Variants in WWOX observed in about 807,000 individuals in gnomAD.
WWOX encodes the protein WW domain containing oxidoreductase.
WWOX carries 69 observed loss-of-function variants against 46.2 expected under a neutral mutation model. The observed-to-expected ratio is 1.49, with a 90% CI of 1.23 to 1.82. The LOEUF (loss-of-function observed/expected upper bound fraction) is 1.82, where lower values mean the gene tolerates loss of function less well. Ranked by LOEUF, WWOX falls within the 40% of genes most tolerant of loss-of-function variation. WWOX has a pLI of 0.00. For missense variants in WWOX, 919 were observed against 542.6 expected (o/e 1.69, Z -6.89); for synonymous variants, 359 against 202.6 (o/e 1.77, Z -6.56).
chr16:78,726,667 A>T (rs2048844213), intron 8 of WWOX, among the ~76,000 whole-genome samples: 1 of 149,224 alleles, frequency 6.7e-6, no homozygotes, highest in African/African-American at 2.6e-5. Context: ...ACAATTTATT[A>T]GGGCTTTATG....
At chr16:78,890,756 T>TA (rs2151227444) in intron 8 of WWOX, 1 of 152,352 alleles carries the variant, frequency 6.6e-6, no homozygotes, top group South Asian at 2.1e-4. Flanking sequence ...TTCTGTTTTT[T>TA]ATCTAAATGC....
At chr16:78,644,599 T>C (rs1328274940) in intron 8 of WWOX, among the ~76,000 whole-genome samples, 2 of 152,102 alleles carry the variant, frequency 1.3e-5, no homozygotes, top group African/African-American at 2.4e-5. Context: ...GTACCTGGGA[T>C]TACAGGAGCC....
intron 8 of WWOX, among the ~76,000 whole-genome samples, chr16:78,924,602 C>T (rs1045863083): frequency 6.6e-6 from 1 of 152,162 alleles, no homozygotes; most frequent in East Asian, 1.9e-4. Context: ...TTGGTAAAAA[C>T]ATATATCAGA....
At chr16:78,742,465 A>G (rs1053448265) in intron 8 of WWOX, among the ~76,000 whole-genome samples, 1 of 152,202 alleles carries the variant, frequency 6.6e-6, no homozygotes, top group African/African-American at 2.4e-5. Context: ...CTGTGAAAAC[A>G]GGTTGGAAGT....
chr16:78,147,660 T>G (rs998802052), intron 4 of WWOX, among the ~76,000 whole-genome samples: 1 of 140,818 alleles, frequency 7.1e-6, no homozygotes, highest in Admixed American at 7.5e-5. Context: ...TCTGAATTTT[T>G]CTTTTTCTTT....
At chr16:79,084,455 C>G (rs978871388) in intron 8 of WWOX, among the ~76,000 whole-genome samples, 2 of 152,152 alleles carry the variant, frequency 1.3e-5, no homozygotes, top group Non-Finnish European at 2.9e-5. Flanking sequence ...GAGTCTCGCT[C>G]TGTTGCCCAG....
At chr16:78,356,613 T>G (rs1567521104) in intron 5 of WWOX, among the ~76,000 whole-genome samples, 1 of 152,206 alleles carries the variant, frequency 6.6e-6, no homozygotes, top group East Asian at 1.9e-4. Flanking sequence ...CTGGGCACGG[T>G]GGCTCACGCC....
At chr16:78,915,400 A>G (rs2045224466) in intron 8 of WWOX, among the ~76,000 whole-genome samples, 2 of 152,144 alleles carry the variant, frequency 1.3e-5, no homozygotes, top group Non-Finnish European at 1.5e-5. Flanking sequence ...AAATAGCTTA[A>G]TTGTTACTCT....
chr16:79,121,163 G>C (rs1273443268), intron 8 of WWOX, among the ~76,000 whole-genome samples: 2 of 152,178 alleles, frequency 1.3e-5, no homozygotes, highest in Non-Finnish European at 2.9e-5. Context: ...ACTCACACCT[G>C]CGTATACCCT....
At chr16:78,940,910 C>A (rs1206760483) in intron 8 of WWOX, among the ~76,000 whole-genome samples, 1 of 151,900 alleles carries the variant, frequency 6.6e-6, no homozygotes, top group Non-Finnish European at 1.5e-5. Flanking sequence ...CTATGCTGTC[C>A]ATTTGCTTGG....
chr16:78,801,246 A>C (rs1178872786), intron 8 of WWOX, among the ~76,000 whole-genome samples: 1 of 152,170 alleles, frequency 6.6e-6, no homozygotes, highest in Non-Finnish European at 1.5e-5. Context: ...ATGGTGGCTC[A>C]TGCCTGTAAT....
intron 8 of WWOX, among the ~76,000 whole-genome samples, chr16:78,455,882 T>C (rs955326709): frequency 2.1e-4 from 32 of 152,146 alleles, no homozygotes; most frequent in African/African-American, 7.5e-4. Context: ...AAACTAACTT[T>C]TATTTTTACA....
At chr16:78,786,264 A>G (rs2050453749) in intron 8 of WWOX, among the ~76,000 whole-genome samples, 1 of 152,228 alleles carries the variant, frequency 6.6e-6, no homozygotes, top group African/African-American at 2.4e-5. Flanking sequence ...ATAAAGCAAT[A>G]AATGACACCT....
intron 7 of WWOX, among the ~76,000 whole-genome samples, chr16:78,432,191 C>G (rs1375061402): frequency 1.3e-5 from 2 of 151,408 alleles, no homozygotes; most frequent in East Asian, 3.9e-4. Context: ...AATCTTTGCT[C>G]ACTGCAACCT....
intron 8 of WWOX, among the ~76,000 whole-genome samples, chr16:78,728,626 G>A (rs1421993417): frequency 6.6e-6 from 1 of 152,186 alleles, no homozygotes; most frequent in Non-Finnish European, 1.5e-5. Flanking sequence ...ACCTCACAGA[G>A]CTTCTGGAAG....
chr16:79,020,208 A>C (rs531391698), intron 8 of WWOX, among the ~76,000 whole-genome samples: 3 of 152,334 alleles, frequency 2.0e-5, no homozygotes, highest in Admixed American at 6.5e-5. Context: ...TAATAAAGCA[A>C]CTTAACCCAT....
At chr16:78,601,162 C>T (rs995771539) in intron 8 of WWOX, among the ~76,000 whole-genome samples, 12 of 152,302 alleles carry the variant, frequency 7.9e-5, no homozygotes, top group African/African-American at 2.9e-4. Context: ...CCAGGTTGGC[C>T]TCTCTGCCAC....
intron 8 of WWOX, among the ~76,000 whole-genome samples, chr16:78,928,116 C>T (rs1362990694): frequency 2.6e-5 from 4 of 151,794 alleles, no homozygotes; most frequent in African/African-American, 9.7e-5. Flanking sequence ...TATGTATTTA[C>T]ATAATGTATT....
At chr16:78,962,071 G>T (rs1325191511) in intron 8 of WWOX, among the ~76,000 whole-genome samples, 1 of 152,040 alleles carries the variant, frequency 6.6e-6, no homozygotes, top group African/African-American at 2.4e-5. Context: ...AGTGGGTTGG[G>T]CCATAAAGGA....
Sources: gnomAD v4.1 joint callset for allele counts (sites outside exome capture counted in the v4.1 genomes callset) on GRCh38, gnomAD v4.1.1 for gene constraint, MANE v1.5 for transcripts, NCBI Gene and HGNC (gene_info 2026-07-23, HGNC 2026-07-21) for gene names.